Variants in ANKRD55 observed in about 807,000 individuals in gnomAD.
The protein encoded by ANKRD55 is ankyrin repeat domain 55, also known as ankyrin repeat domain-containing protein 55.
ANKRD55 carries 41 observed loss-of-function variants against 60.6 expected under a neutral mutation model. The observed-to-expected ratio is 0.68, with a 90% CI of 0.53 to 0.88. The LOEUF (loss-of-function observed/expected upper bound fraction) is 0.88. ANKRD55 is among the 40% of genes least tolerant of loss of function. The pLI is 0.00. For synonymous variants in ANKRD55, 264 were observed against 290.3 expected, an observed-to-expected ratio of 0.91 and a Z score of 0.92; for missense variants, 732 against 767.6, an observed-to-expected ratio of 0.95 and a Z score of 0.55.
intron 2 of ANKRD55, among the ~76,000 whole-genome samples, chr5:56,184,205 T>C (rs1317061005): frequency 1.3e-5 from 2 of 152,170 alleles, no homozygotes; most frequent in African/African-American, 4.8e-5. Context: ...AAGAGAGAGA[T>C]GGGACATTTC....
chr5:56,118,884 A>C (rs543676302), intron 8 of ANKRD55, among the ~76,000 whole-genome samples: 1 of 152,238 alleles, frequency 6.6e-6, no homozygotes, highest in South Asian at 2.1e-4. Context: ...ACAAACAAAC[A>C]AACCAAAAAA....
Position 56,111,715 on chromosome 5 carries a change from C to G in ANKRD55, c.1033G>C (p.Val345Leu). 6.6e-7 allele frequency: 1 copy of G among 1,518,938 alleles called. No individual in the cohort carries two copies. Among genetic ancestry groups the G allele is most frequent in the Non-Finnish European group, 8.8e-7 (1 of 1,138,304 alleles). 94.1% of individuals were successfully genotyped at this position (1,518,938 alleles called of 1,614,324 possible). The change falls in exon 10 of 12, where the codon GTG becomes CTG. Residue 345 changes from valine to leucine, a missense_variant. Coordinates refer to ENST00000341048, the MANE Select transcript of ANKRD55 (RefSeq NM_024669.3). ...RPQKKERRFN[V>L]LNQIFCKNKK... Reference sequence around the variant, plus strand: ...TTTTTGCAGAATATTTGGTTGAGCACGTTGAACCGTCTCTCCTTCTTCTGG... The same window carrying G: ...TTTTTGCAGAATATTTGGTTGAGCAGGTTGAACCGTCTCTCCTTCTTCTGG...
chr5:56,102,364 CG>C (rs897882571), intron 11 of ANKRD55, 129 bp downstream of exon 11: 2 of 555,488 alleles, frequency 3.6e-6, no homozygotes, highest in African/African-American at 4.0e-5. Context: ...GCACTCTAGC[CG>C]GGGCGACAGC....
intron 2 of ANKRD55, among the ~76,000 whole-genome samples, chr5:56,229,436 C>T (rs1244302261): frequency 6.6e-6 from 1 of 152,094 alleles, no homozygotes; most frequent in Non-Finnish European, 1.5e-5. Context: ...GAGACCATGC[C>T]CCTGGCCAGT....
intron 10 of ANKRD55, among the ~76,000 whole-genome samples, chr5:56,105,208 T>G (rs1478937698): frequency 3.3e-5 from 5 of 151,682 alleles, no homozygotes; most frequent in African/African-American, 1.2e-4. Flanking sequence ...TGCCTCAGCC[T>G]CCTGAGTAGC....
chr5:56,106,135 C>T (rs1368784987), intron 10 of ANKRD55, among the ~76,000 whole-genome samples: 1 of 152,154 alleles, frequency 6.6e-6, no homozygotes, highest in East Asian at 1.9e-4. Context: ...TAGTGGCTGC[C>T]TGGAATTTTA....
chr5:56,191,154 A>G (rs1561286810), intron 2 of ANKRD55, among the ~76,000 whole-genome samples: 1 of 152,086 alleles, frequency 6.6e-6, no homozygotes, highest in Non-Finnish European at 1.5e-5. Context: ...GAAACCTCCA[A>G]CTGTTCTTTT....
chr5:56,183,734 T>G, intron 2 of ANKRD55, 100 bp from the exon 3 acceptor site: 1 of 1,470,296 alleles, frequency 6.8e-7, no homozygotes. Context: ...TCATTAAAAC[T>G]TCTCAAGTGA....
At position 56,173,580 on chromosome 5, in the gene ANKRD55, CTCTATA is replaced by C. The variant is rs59860392; in HGVS notation, c.312+2566_312+2571del. On this transcript the variant is annotated intron_variant, in intron 4 of 11. Coordinates refer to ENST00000341048, the MANE Select transcript of ANKRD55 (RefSeq NM_024669.3). Reference sequence around the variant, plus strand: ...TCTCTCTCTCTCTCTCTCTCTCTCTCTCTATATATATATATATATATATATATCTTG... The same window carrying C: ...TCTCTCTCTCTCTCTCTCTCTCTCTCTATATATATATATATATATATCTTG... Among the ~76,000 whole-genome samples the C allele has an allele frequency of 9.4e-3, 560 of 59,734 alleles. 2 individuals are homozygous for C. The highest frequency in any genetic ancestry group is 0.024 in the East Asian group (40 of 1,672). The allele number at this position is 59,734 out of a possible 152,430, so 39.2% of individuals were successfully genotyped here.
chr5:56,222,923 C>T (rs1199534033), intron 2 of ANKRD55, among the ~76,000 whole-genome samples: 5 of 152,192 alleles, frequency 3.3e-5, no homozygotes, highest in African/African-American at 1.2e-4. Context: ...AGTTGGAAAA[C>T]ACTCTTCAGG....
At chr5:56,110,529 ATT>A (rs11348393) in intron 10 of ANKRD55, 156 of 146,468 alleles carry the variant, frequency 1.1e-3, no homozygotes, top group African/African-American at 3.4e-3. Context: ...CAAAAAATGC[ATT>A]TTTTTTTTTT....
At chr5:56,195,234 T>C (rs2111849119) in intron 2 of ANKRD55, among the ~76,000 whole-genome samples, 1 of 152,350 alleles carries the variant, frequency 6.6e-6, no homozygotes, top group Admixed American at 6.5e-5. Context: ...TGTTTCATTC[T>C]ATTTTTAGTG....
chr5:56,215,710 T>C (rs1379102973), intron 2 of ANKRD55, among the ~76,000 whole-genome samples: 1 of 152,226 alleles, frequency 6.6e-6, no homozygotes, highest in Non-Finnish European at 1.5e-5. Context: ...TGTGTGTCCT[T>C]GGGCAAGTTA....
intron 3 of ANKRD55, among the ~76,000 whole-genome samples, chr5:56,183,279 T>C (rs944073508): frequency 8.5e-5 from 13 of 152,340 alleles, no homozygotes; most frequent in Admixed American, 7.2e-4. Flanking sequence ...AGCCTGCTCT[T>C]TCCGTACCTT....
At chr5:56,150,822 C>T (rs1043928027) in intron 6 of ANKRD55, among the ~76,000 whole-genome samples, 168 of 152,242 alleles carry the variant, frequency 1.1e-3, no homozygotes, top group African/African-American at 3.6e-3. Context: ...TCACTTGAAC[C>T]CTGGAGGTGG....
At chr5:56,196,394 T>C (rs1290839127) in intron 2 of ANKRD55, among the ~76,000 whole-genome samples, 1 of 152,240 alleles carries the variant, frequency 6.6e-6, no homozygotes, top group Non-Finnish European at 1.5e-5. Flanking sequence ...CATTTCTTAA[T>C]AAGTAATAGC....
In ANKRD55 at chr5:56,102,124, C is replaced by T. The variant is rs1312497184; in HGVS notation, c.1723+370G>A. On this transcript the variant is annotated intron_variant, in intron 11 of 11. Transcript: ENST00000341048. ...AAGTAGGGCTGGGCGTGGTGGCTCACGCCTGTAATCCTAGCACTTTGGGAG... is the reference window on the plus strand; with the variant it reads ...AAGTAGGGCTGGGCGTGGTGGCTCATGCCTGTAATCCTAGCACTTTGGGAG... Among the ~76,000 whole-genome samples, 7 of 152,184 alleles carry T rather than the reference C, an allele frequency of 4.6e-5. No individual in the cohort carries two copies. In the South Asian group the frequency reaches 8.3e-4, roughly 18 times the overall value.
intron 2 of ANKRD55, 89 bp downstream of exon 2, chr5:56,232,767 C>CACTT: frequency 7.5e-7 from 1 of 1,330,246 alleles, no homozygotes. Context: ...CACACACACA[C>CACTT]ACTTCTCTTT....
intron 7 of ANKRD55, among the ~76,000 whole-genome samples, chr5:56,142,045 C>T (rs938986697): frequency 1.3e-5 from 2 of 152,178 alleles, no homozygotes; most frequent in Non-Finnish European, 2.9e-5. Flanking sequence ...AACAGGGATT[C>T]CCGGCTGGGT....
Sources: gnomAD v4.1 joint callset for allele counts (sites outside exome capture counted in the v4.1 genomes callset) on GRCh38, gnomAD v4.1.1 for gene constraint, MANE v1.5 for transcripts, NCBI Gene and HGNC (gene_info 2026-07-23, HGNC 2026-07-21) for gene names.